The following PTPRT variants were observed in gnomAD, a reference collection of about 807,000 sequenced individuals.
PTPRT encodes the protein receptor-type tyrosine-protein phosphatase T.
Under a neutral mutation model 176.8 loss-of-function variants are expected in PTPRT, and 56 were observed. The observed-to-expected ratio is 0.32, with a 90% CI of 0.26 to 0.40. The LOEUF is 0.40. Among genes scored for constraint, PTPRT ranks in the 10% least tolerant of loss-of-function variants. The pLI, the probability that PTPRT is intolerant of heterozygous loss-of-function variation, is 1.00. For synonymous variants in PTPRT, 783 were observed against 739.0 expected, an observed-to-expected ratio of 1.06 and a Z score of -0.96; for missense variants, 1,540 against 1,908.2, an observed-to-expected ratio of 0.81 and a Z score of 3.60.
intron 3 of PTPRT, among the ~76,000 whole-genome samples, chr20:42,781,503 T>C (rs1484086323): frequency 6.6e-6 from 1 of 152,180 alleles, no homozygotes; most frequent in Admixed American, 6.5e-5. Context: ...ATATTTTCCA[T>C]CTTTTGGATT....
intron 21 of PTPRT, chr20:42,116,043 C>T (rs1257423075): frequency 4.1e-6 from 3 of 723,664 alleles, no homozygotes; most frequent in Non-Finnish European, 7.7e-6. Context: ...GATTACCATT[C>T]CGGGGGACGC....
At chr20:43,102,020 T>C (rs1044831106) in intron 1 of PTPRT, among the ~76,000 whole-genome samples, 1 of 152,074 alleles carries the variant, frequency 6.6e-6, no homozygotes, top group African/African-American at 2.4e-5. Flanking sequence ...CATCTAGGTG[T>C]CCTTACATGG....
At chr20:42,749,369 G>A (rs911893318) in intron 6 of PTPRT, among the ~76,000 whole-genome samples, 11 of 152,170 alleles carry the variant, frequency 7.2e-5, no homozygotes, top group African/African-American at 2.7e-4. Context: ...CTCAGATGGG[G>A]CCAGTCGGAG....
intron 15 of PTPRT, among the ~76,000 whole-genome samples, chr20:42,201,873 T>C (rs551538880): frequency 6.6e-6 from 1 of 151,844 alleles, no homozygotes; most frequent in South Asian, 2.1e-4. Flanking sequence ...GAATGCACTC[T>C]GGAAGCAGAG....
At chr20:42,406,184 T>C (rs982449803) in intron 9 of PTPRT, among the ~76,000 whole-genome samples, 3 of 151,922 alleles carry the variant, frequency 2.0e-5, no homozygotes, top group Non-Finnish European at 4.4e-5. Flanking sequence ...GAGCTAAAAA[T>C]AATGACATTA....
rs144034261 is a variant in PTPRT at position 43,133,133 on chromosome 20, A to G, written c.88+56513T>C. On this transcript the variant is annotated intron_variant, in intron 1 of 30. Transcript: ENST00000373187. ...CAATGGGGGGTTCTGGAAATGTTCT[A>G]TATCTTAATCTAGATGGTGGTTTCG... Among the ~76,000 whole-genome samples, 1,341 of 152,328 alleles carry G rather than the reference A, an allele frequency of 8.8e-3. 9 individuals carry two copies. The highest frequency in any genetic ancestry group is 0.014 in the Non-Finnish European group (945 of 68,036).
intron 1 of PTPRT, among the ~76,000 whole-genome samples, chr20:42,899,456 T>C (rs1253793595): frequency 6.6e-6 from 1 of 152,238 alleles, no homozygotes; most frequent in Admixed American, 6.5e-5. Flanking sequence ...GCACGTGATG[T>C]GGCTGTCTCT....
intron 1 of PTPRT, among the ~76,000 whole-genome samples, chr20:42,906,742 G>C (rs999318678): frequency 6.6e-5 from 10 of 152,148 alleles, no homozygotes; most frequent in African/African-American, 2.4e-4. Context: ...CCTGTGAGGG[G>C]GACAGGGGAA....
chr20:42,460,797 C>T (rs888776171), intron 8 of PTPRT, among the ~76,000 whole-genome samples: 11 of 152,172 alleles, frequency 7.2e-5, no homozygotes, highest in Non-Finnish European at 1.5e-5. Context: ...TTTTCTGAGG[C>T]CTCCCAGCCA....
intron 7 of PTPRT, among the ~76,000 whole-genome samples, chr20:42,532,831 T>C (rs890028480): frequency 6.6e-5 from 10 of 152,016 alleles, no homozygotes; most frequent in Non-Finnish European, 1.3e-4. Flanking sequence ...GTCCTTTCAA[T>C]ACAGACATTT....
chr20:42,579,923 C>T (rs947923511), intron 7 of PTPRT, among the ~76,000 whole-genome samples: 1 of 152,176 alleles, frequency 6.6e-6, no homozygotes, highest in African/African-American at 2.4e-5. Flanking sequence ...TCCCATTTCT[C>T]AATTTTGGCT....
intron 6 of PTPRT, among the ~76,000 whole-genome samples, chr20:42,707,307 G>A (rs1022915941): frequency 9.9e-5 from 15 of 151,900 alleles, no homozygotes; most frequent in Non-Finnish European, 2.9e-5. Context: ...CCTGTTATAC[G>A]GGCCCTGTAT....
chr20:42,720,741 A>G (rs2076290602), intron 6 of PTPRT, among the ~76,000 whole-genome samples: 1 of 152,178 alleles, frequency 6.6e-6, no homozygotes. Context: ...TGCACTGTCA[A>G]ATCCCCAGAT....
At chr20:42,774,214 C>G (rs2077102189) in intron 4 of PTPRT, among the ~76,000 whole-genome samples, 2 of 152,178 alleles carry the variant, frequency 1.3e-5, no homozygotes, top group Non-Finnish European at 2.9e-5. Context: ...ATACCACCTC[C>G]TTGCCCCATC....
At chr20:42,569,081 AATATATATATATATATATAT>A (rs71335569) in intron 7 of PTPRT, among the ~76,000 whole-genome samples, 1 of 30,802 alleles carries the variant, frequency 3.2e-5, no homozygotes, top group Non-Finnish European at 5.5e-5. Context: ...AAAAAAAAAA[AATATATATATATATATATAT>A]ATATATATAT....
At chr20:42,786,603 A>G (rs1685227315) in intron 3 of PTPRT, among the ~76,000 whole-genome samples, 1 of 152,114 alleles carries the variant, frequency 6.6e-6, no homozygotes, top group Non-Finnish European at 1.5e-5. Context: ...TACTCCAGAA[A>G]TGTCCTTTCC....
chr20:42,247,477 T>C (rs1283890056), intron 14 of PTPRT, among the ~76,000 whole-genome samples: 1 of 150,840 alleles, frequency 6.6e-6, no homozygotes, highest in Non-Finnish European at 1.5e-5. Flanking sequence ...GTTAGGGGTA[T>C]TCTGTTCCTT....
chr20:42,122,291 T>C lies in PTPRT; in HGVS notation c.2848-2320A>G, dbSNP rs2146338678. Among the ~76,000 whole-genome samples, 3 of 152,346 alleles carry C rather than the reference T, an allele frequency of 2.0e-5. No individual in the cohort carries two copies. In the East Asian group the frequency reaches 5.8e-4, roughly 29 times the overall value. ...ATTCTAAGATTTAACATATATGTCT[T>C]TGCTATTGTTATTTTATTGTTTATT... On this transcript the variant is annotated intron_variant, in intron 19 of 30. Coordinates refer to ENST00000373187, the MANE Select transcript of PTPRT (RefSeq NM_007050.6).
chr20:43,180,421 AAGAGAGGGAG>A (rs1310102632), intron 1 of PTPRT, among the ~76,000 whole-genome samples: 1 of 143,298 alleles, frequency 7.0e-6, no homozygotes, highest in Non-Finnish European at 1.5e-5. Context: ...TATATATAGA[AAGAGAGGGAG>A]AGAGAGGGAG....
Sources: gnomAD v4.1 joint callset for allele counts (sites outside exome capture counted in the v4.1 genomes callset) on GRCh38, gnomAD v4.1.1 for gene constraint, MANE v1.5 for transcripts, NCBI Gene and HGNC (gene_info 2026-07-23, HGNC 2026-07-21) for gene names.